The following COL19A1 variants were observed in gnomAD, a reference collection of about 807,000 sequenced individuals.
The protein encoded by COL19A1 is collagen alpha-1(XIX) chain.
COL19A1 carries 159 observed loss-of-function variants against 190.2 expected under a neutral mutation model. The observed-to-expected ratio is 0.84, with a 90% confidence interval of 0.73 to 0.95. COL19A1 has a LOEUF of 0.95. COL19A1 is among the 40% of genes least tolerant of loss of function. The probability of loss-of-function intolerance (pLI) is 0.00; values close to 1 mark genes in which losing one functional copy is unlikely to be tolerated. For missense variants in COL19A1, 1,418 were observed against 1,431.9 expected, an observed-to-expected ratio of 0.99 and a Z score of 0.16; for synonymous variants, 509 against 458.9, an observed-to-expected ratio of 1.11 and a Z score of -1.39.
intron 4 of COL19A1, among the ~76,000 whole-genome samples, chr6:69,920,434 C>G (rs1771617563): frequency 6.6e-6 from 1 of 152,100 alleles, no homozygotes; most frequent in Non-Finnish European, 1.5e-5. Flanking sequence ...AAGTGAATTA[C>G]AAGTTTAAAG....
chr6:69,880,014 T>A, intron 2 of COL19A1: 1 of 301,936 alleles, frequency 3.3e-6, no homozygotes, highest in Admixed American at 5.0e-5. Flanking sequence ...CTAATTAGGA[T>A]TAACAAGGAC....
Position 70,146,840 on chromosome 6 carries a change from G to T in COL19A1, c.1844G>T (p.Gly615Val). The T allele has an allele frequency of 6.3e-7, 1 of 1,597,310 alleles. No individual in the cohort carries two copies. ...KGERGLPGVHGSPGDIGPQGI... is the reference protein window; with the variant it reads ...KGERGLPGVHVSPGDIGPQGI... Reference sequence around the variant, plus strand: ...GAAAGAGGACTTCCAGGTGTTCACGGTTCCCCAGGGGACATAGGCCCACAA... The same window carrying T: ...GAAAGAGGACTTCCAGGTGTTCACGTTTCCCCAGGGGACATAGGCCCACAA... Residue 615 changes from glycine (G) to valine (V), a missense_variant, in exon 27 of 51, where the codon GGT (glycine) becomes GTT (valine). Transcript: ENST00000620364.
intron 11 of COL19A1, among the ~76,000 whole-genome samples, chr6:69,991,481 T>C (rs994741434): frequency 2.0e-5 from 3 of 152,174 alleles, no homozygotes; most frequent in African/African-American, 4.8e-5. Context: ...TCACAGTGGC[T>C]GAAATAGTTT....
intron 2 of COL19A1, among the ~76,000 whole-genome samples, chr6:69,895,440 G>T (rs1769659626): frequency 6.6e-6 from 1 of 152,186 alleles, no homozygotes; most frequent in African/African-American, 2.4e-5. Context: ...GGTGTTCTTT[G>T]TCCCATGGCC....
chr6:69,938,017 C>T (rs1482188682), intron 8 of COL19A1, 21 bp from the exon 9 acceptor site: 3 of 1,610,654 alleles, frequency 1.9e-6, no homozygotes, highest in Non-Finnish European at 2.5e-6. Context: ...TTTGCTAACA[C>T]AGATATGCAT....
chr6:69,929,621 A>G lies in COL19A1; in HGVS notation c.587A>G (p.Gln196Arg). Residue 196 changes from glutamine to arginine, a missense_variant, in exon 6 of 51, where the codon CAG becomes CGG. By Grantham distance (43) the Gln-to-Arg change is conservative. Coordinates refer to ENST00000620364, the MANE Select transcript of COL19A1 (RefSeq NM_001858.6). ...YMDCNLIARRQTDEKDTVDFH... is the reference protein window; with the variant it reads ...YMDCNLIARRRTDEKDTVDFH... ...GATTGTAATTTAATTGCGAGGAGGC[A>G]GACTGATGAAAAGGACACTGTGGAT... The G allele has an allele frequency of 6.2e-7, 1 of 1,614,066 alleles. No homozygotes were observed.
chr6:69,972,337 A>G (rs1205469852), intron 11 of COL19A1, among the ~76,000 whole-genome samples: 1 of 151,710 alleles, frequency 6.6e-6, no homozygotes, highest in African/African-American at 2.4e-5. Flanking sequence ...TGGCATGAGG[A>G]TTTTGTTTGT....
At chr6:70,161,877 A>C in intron 34 of COL19A1, 23 bp from the exon 35 acceptor site, 1 of 1,593,152 alleles carries the variant, frequency 6.3e-7, no homozygotes, top group Non-Finnish European at 8.5e-7. Context: ...AACAGATTTT[A>C]TGATGGGAAC....
chr6:70,195,133 G>GACTAT (rs1193183065), intron 48 of COL19A1, among the ~76,000 whole-genome samples: 1 of 84,522 alleles, frequency 1.2e-5, no homozygotes, highest in South Asian at 3.4e-4. Flanking sequence ...ATACATCATT[G>GACTAT]ATGATATATA....
chr6:70,006,931 C>CA (rs1038981257), intron 11 of COL19A1, among the ~76,000 whole-genome samples: 2 of 151,168 alleles, frequency 1.3e-5, no homozygotes, highest in African/African-American at 4.9e-5. Context: ...TTAAAAATTT[C>CA]AAAAAAAGCT....
At chr6:70,010,369 G>A (rs148272537) in intron 11 of COL19A1, among the ~76,000 whole-genome samples, 6,677 of 124,450 alleles carry the variant, frequency 0.054, 842 homozygotes, top group African/African-American at 0.17. Flanking sequence ...CAAGATGGCC[G>A]AATAGGAACA....
chr6:70,005,278 TC>T (rs1467904369), intron 11 of COL19A1, among the ~76,000 whole-genome samples: 1 of 152,210 alleles, frequency 6.6e-6, no homozygotes, highest in Non-Finnish European at 1.5e-5. Context: ...TTTCTCATCT[TC>T]ATGAGTTTGT....
intron 15 of COL19A1, among the ~76,000 whole-genome samples, chr6:70,091,156 C>G (rs1349612996): frequency 6.6e-6 from 1 of 152,048 alleles, no homozygotes; most frequent in Non-Finnish European, 1.5e-5. Flanking sequence ...ATAAGTATAG[C>G]CTAGTGGTAA....
chr6:69,937,039 T>G, intron 8 of COL19A1, 129 bp downstream of exon 8: 1 of 1,302,028 alleles, frequency 7.7e-7, no homozygotes, highest in Non-Finnish European at 1.1e-6. Context: ...CCTCAGTTAC[T>G]GGGGTGGGTT....
At position 70,143,892 on chromosome 6, in the gene COL19A1, C is replaced by T. The variant is rs371176136; in HGVS notation, c.1627-318C>T. On this transcript the variant is annotated intron_variant, in intron 23 of 50. Coordinates refer to ENST00000620364, the MANE Select transcript of COL19A1 (RefSeq NM_001858.6). ...TAGTAAAAATATATTTTTCTAGTTG[C>T]CCTAGAGTTCTTTGGAATCATTATG... 3.2e-4 allele frequency among the ~76,000 whole-genome samples: 49 copies of T among 151,882 alleles called. No homozygotes were observed. The East Asian group carries it at 7.4e-3, about 23-fold the overall frequency.
At chr6:70,059,253 T>C (rs9454953) in intron 14 of COL19A1, among the ~76,000 whole-genome samples, 2,205 of 152,242 alleles carry the variant, frequency 0.014, 41 homozygotes, top group South Asian at 0.048. Context: ...CACTGCAACA[T>C]TCCTGGCAAG....
At chr6:70,172,094 C>T (rs1765534991) in intron 41 of COL19A1, 77 bp downstream of exon 41, 3 of 1,366,594 alleles carry the variant, frequency 2.2e-6, no homozygotes, top group South Asian at 2.5e-5. Flanking sequence ...GTGCCAAAAA[C>T]TGTTTTAGGT....
chr6:70,000,764 T>G (rs1340768813), intron 11 of COL19A1, among the ~76,000 whole-genome samples: 1 of 152,206 alleles, frequency 6.6e-6, no homozygotes, highest in African/African-American at 2.4e-5. Flanking sequence ...AAATTCTGGA[T>G]ATTAGACCTT....
At position 69,929,525 on chromosome 6, in the gene COL19A1, G is replaced by A. The variant is rs199582099; in HGVS notation, c.491G>A (p.Arg164His). 2.0e-4 allele frequency: 316 copies of A among 1,614,034 alleles called. No individual in the cohort carries two copies. The highest frequency in any genetic ancestry group is 4.8e-4 in the Admixed American group (29 of 59,984). The change falls in exon 6 of 51, where the codon CGT becomes CAT. Residue 164 changes from arginine to histidine, a missense_variant. Coordinates refer to ENST00000620364, the MANE Select transcript of COL19A1 (RefSeq NM_001858.6). ...LNYIFRNREL[R>H]PLFDRQWHKL... ...TACATTTTTAGAAATCGAGAACTCCGTCCTTTGTTTGATCGTCAGTGGCAC... is the reference window on the plus strand; with the variant it reads ...TACATTTTTAGAAATCGAGAACTCCATCCTTTGTTTGATCGTCAGTGGCAC...
Sources: allele counts gnomAD v4.1 joint callset (sites outside exome capture counted in the v4.1 genomes callset), GRCh38; gene constraint gnomAD v4.1.1; transcripts MANE v1.5; gene names NCBI Gene and HGNC (gene_info 2026-07-23, HGNC 2026-07-21).